TJP2: variants seen among roughly 807,000 people sequenced by gnomAD.
TJP2 encodes Friedreich ataxia region gene X104 (tight junction protein ZO-2).
TJP2 carries 91 observed loss-of-function variants against 133.1 expected under a neutral mutation model. The ratio of observed to expected loss-of-function variants is 0.68; its 90% CI spans 0.58 to 0.81. The LOEUF is 0.81. Ranked by LOEUF, TJP2 falls within the 40% of genes least tolerant of loss-of-function variation. The pLI, the probability that TJP2 is intolerant of heterozygous loss-of-function variation, is 0.00. For missense variants in TJP2, 1,541 were observed against 1,565.6 expected, an observed-to-expected ratio of 0.98 and a Z score of 0.26; for synonymous variants, 592 against 583.4, an observed-to-expected ratio of 1.01 and a Z score of -0.21.
chr9:69,249,207 G>A, intron 19 of TJP2, 168 bp from the exon 20 acceptor site: 1 of 985,444 alleles, frequency 1.0e-6, no homozygotes, highest in Non-Finnish European at 1.2e-6. Flanking sequence ...TTTTAAAAAT[G>A]TGTCTGAAGC....
chr9:69,180,283 TAA>T lies in TJP2; in HGVS notation c.60+5854_60+5855del, dbSNP rs201667789. Among the ~76,000 whole-genome samples the T allele has an allele frequency of 4.1e-3, 617 of 152,320 alleles. 13 individuals carry two copies. The highest frequency in any genetic ancestry group is 0.035 in the Admixed American group (528 of 15,292). On this transcript the variant is annotated intron_variant, in intron 1 of 22. Transcript: ENST00000377245. ...TCCAGTTATGCCTTTGCCATCGTATTAAAAGCTTTGGTGGAGACGTGAGAACA... is the reference window on the plus strand; with the variant it reads ...TCCAGTTATGCCTTTGCCATCGTATTAAGCTTTGGTGGAGACGTGAGAACA...
At chr9:69,235,662 CT>C (rs1372915294) in intron 12 of TJP2, among the ~76,000 whole-genome samples, 1 of 152,162 alleles carries the variant, frequency 6.6e-6, no homozygotes. Flanking sequence ...TTGTCATTCT[CT>C]TCAGGCCCTC....
chr9:69,161,164 C>T (rs1009804461), intron 2 of TJP2, among the ~76,000 whole-genome samples: 6 of 151,916 alleles, frequency 3.9e-5, no homozygotes, highest in Admixed American at 6.6e-5. Context: ...CGTGCTGTGT[C>T]GGAGGGATGC....
chr9:69,221,410 A>T lies in TJP2; in HGVS notation c.866A>T (p.His289Leu). 1 of 1,582,834 alleles carries T rather than the reference A, an allele frequency of 6.3e-7. No individual in the cohort carries two copies. The highest frequency in any genetic ancestry group is 1.8e-5 in the Admixed American group (1 of 55,578). The change falls in exon 5 of 23, where the codon CAC becomes CTC. Residue 289 changes from histidine to leucine, a missense_variant. By Grantham distance (99) the His-to-Leu change is moderately conservative. Coordinates refer to ENST00000377245, the MANE Select transcript of TJP2 (RefSeq NM_004817.4). ...GGACCCCGAAGCCGCAGCCGCGAGC[A>T]CCCGCACTCACGGAGCCCCAGCCCC... ...SRGPRSRSRE[H>L]PHSRSPSPEP...
At chr9:69,241,295 G>C (rs1353947465) in intron 17 of TJP2, among the ~76,000 whole-genome samples, 1 of 152,130 alleles carries the variant, frequency 6.6e-6, no homozygotes, top group Non-Finnish European at 1.5e-5. Flanking sequence ...GTTTTAAAGG[G>C]TTACATAAAT....
At chr9:69,239,656 C>G (rs1378110585) in intron 16 of TJP2, among the ~76,000 whole-genome samples, 1 of 152,022 alleles carries the variant, frequency 6.6e-6, no homozygotes, top group Non-Finnish European at 1.5e-5. Context: ...ACTAAAAATA[C>G]AAAAATTAGC....
At chr9:69,168,970 A>C (rs903817440) in intron 2 of TJP2, among the ~76,000 whole-genome samples, 3 of 151,590 alleles carry the variant, frequency 2.0e-5, no homozygotes, top group Non-Finnish European at 4.4e-5. Context: ...GTTATTGTTA[A>C]CTGGTGTTTG....
chr9:69,234,371 TTTC>T, intron 11 of TJP2, 65 bp from the exon 12 acceptor site: 3 of 1,131,114 alleles, frequency 2.7e-6, no homozygotes, highest in Non-Finnish European at 3.6e-6. Context: ...TTCTCTGTTT[TTTC>T]TTTCTTTCTT....
At chr9:69,205,137 C>T (rs1442613486) in intron 1 of TJP2, 1 of 1,536,928 alleles carries the variant, frequency 6.5e-7, no homozygotes, top group Non-Finnish European at 8.7e-7. Context: ...TAGGCGGTGG[C>T]CTGGCCCATG....
At chr9:69,249,068 G>T in intron 19 of TJP2, 1 of 1,100,082 alleles carries the variant, frequency 9.1e-7, no homozygotes, top group Non-Finnish European at 1.1e-6. Context: ...TAGACAACTT[G>T]TAAAGAATAA....
Position 69,237,117 on chromosome 9 carries a change from G to A in TJP2, c.2160G>A (p.Glu720=). The change falls in exon 14 of 23, where the codon GAG becomes GAA. Residue 720 remains glutamate, a synonymous_variant. Transcript: ENST00000377245. ...TCAGCACCAAGTTCCCAGCTTATGA[G>A]AGGGTTTTGCTGCGAGAAGGTGAGG... The part of the protein sequence containing the change: ...VSVSTKFPAY[E]RVLLREAGFK... 6.2e-7 allele frequency: 1 copy of A among 1,614,154 alleles called. No homozygotes were observed. The highest frequency in any genetic ancestry group is 8.5e-7 in the Non-Finnish European group (1 of 1,180,008).
intron 2 of TJP2, among the ~76,000 whole-genome samples, chr9:69,152,595 G>A (rs1423497761): frequency 6.6e-6 from 1 of 152,054 alleles, no homozygotes; most frequent in Non-Finnish European, 1.5e-5. Flanking sequence ...TTGGGCACAT[G>A]TCTTAATGCT....
chr9:69,162,852 A>G (rs1824152025), intron 2 of TJP2, among the ~76,000 whole-genome samples: 1 of 152,218 alleles, frequency 6.6e-6, no homozygotes, highest in Non-Finnish European at 1.5e-5. Context: ...TACTTACTGC[A>G]TAGTTTGAGT....
Position 69,251,325 on chromosome 9 carries a change from A to G in TJP2, c.3282A>G (p.Leu1094=). The stretch of plus-strand genomic sequence containing the variant: ...AGAAGATGGATCACAAGGCCAGGTT[A>G]CAGAGAATGCAGGAGCTCCAGGAAG... ...IFEKMDHKAR[L]QRMQELQEAQ... is the part of the protein sequence containing the mutation. Residue 1094 remains leucine (L), a synonymous_variant, in exon 21 of 23, where the codon TTA becomes TTG. Coordinates refer to ENST00000377245, the MANE Select transcript of TJP2 (RefSeq NM_004817.4). The G allele has an allele frequency of 6.2e-7, 1 of 1,614,156 alleles. No homozygotes were observed. The highest frequency in any genetic ancestry group is 2.2e-5 in the East Asian group (1 of 44,888).
intron 1 of TJP2, among the ~76,000 whole-genome samples, chr9:69,184,668 A>T (rs1274950559): frequency 6.6e-6 from 1 of 152,102 alleles, no homozygotes; most frequent in Non-Finnish European, 1.5e-5. Flanking sequence ...GTGCTCAGTA[A>T]ATGGCAGTGG....
chr9:69,253,915 T>C (rs796432305), intron 22 of TJP2: 12 of 455,750 alleles, frequency 2.6e-5, no homozygotes, highest in South Asian at 2.1e-4. Context: ...CGCTGCTGGG[T>C]GAGACTAGCC....
intron 2 of TJP2, among the ~76,000 whole-genome samples, chr9:69,162,474 C>G (rs1214589286): frequency 6.6e-6 from 1 of 152,122 alleles, no homozygotes; most frequent in Non-Finnish European, 1.5e-5. Flanking sequence ...TCCTCATTAT[C>G]TATGCTAAAT....
At chr9:69,176,407 A>G (rs1825092287) in intron 1 of TJP2, among the ~76,000 whole-genome samples, 2 of 152,204 alleles carry the variant, frequency 1.3e-5, no homozygotes, top group Non-Finnish European at 2.9e-5. Flanking sequence ...ATCTAAAGAT[A>G]CAAGTAGGAG....
Position 69,234,460 on chromosome 9 carries a change from G to T in TJP2, c.1693G>T (p.Gly565Ter). 6.2e-7 allele frequency: 1 copy of T among 1,605,658 alleles called. No homozygotes were observed. The highest frequency in any genetic ancestry group is 1.7e-5 in the Admixed American group (1 of 58,902). ...ATAGGTGAACACACAGGATTTCAGAGGATTAGTGCGGGAGGATGCCGTTCT... is the reference window on the plus strand; with the variant it reads ...ATAGGTGAACACACAGGATTTCAGATGATTAGTGCGGGAGGATGCCGTTCT... ...ILKVNTQDFR[G>*]LVREDAVLYL... Residue 565 changes from glycine to a stop codon, truncating the protein, a stop_gained, in exon 12 of 23, where the codon GGA (glycine) becomes TGA (stop). Coordinates refer to ENST00000377245, the MANE Select transcript of TJP2 (RefSeq NM_004817.4). LOFTEE classifies it high-confidence loss of function.
Sources: gnomAD v4.1 joint callset for allele counts (sites outside exome capture counted in the v4.1 genomes callset) on GRCh38, gnomAD v4.1.1 for gene constraint, MANE v1.5 for transcripts, NCBI Gene and HGNC (gene_info 2026-07-23, HGNC 2026-07-21) for gene names.